Variants in HSPH1 observed in about 807,000 individuals in gnomAD.
HSPH1 encodes heat shock protein family H (Hsp110) member 1.
HSPH1 carries 40 observed loss-of-function variants against 100.0 expected under a neutral mutation model. That is an observed-to-expected ratio of 0.40 (90% CI 0.31 to 0.52). HSPH1 has a LOEUF of 0.52. Ranked by LOEUF, HSPH1 falls within the 20% of genes least tolerant of loss-of-function variation. The pLI, the probability that HSPH1 is intolerant of heterozygous loss-of-function variation, is 0.54. For missense variants in HSPH1, 876 were observed against 1,015.1 expected (o/e 0.86, Z 1.86); for synonymous variants, 403 against 344.0 (o/e 1.17, Z -1.90).
At chr13:31,157,129 C>T (rs1057366381) in intron 2 of HSPH1, among the ~76,000 whole-genome samples, 20 of 152,132 alleles carry the variant, frequency 1.3e-4, no homozygotes, top group African/African-American at 4.8e-4. Context: ...AGAATTCAAG[C>T]AAGTTTAGGT....
intron 17 of HSPH1, among the ~76,000 whole-genome samples, chr13:31,137,727 G>A (rs918462886): frequency 2.6e-5 from 4 of 152,056 alleles, no homozygotes; most frequent in African/African-American, 7.2e-5. Context: ...GGATGTGTTA[G>A]GACTATGTAC....
intron 1 of HSPH1, among the ~76,000 whole-genome samples, chr13:31,159,476 C>T (rs751812682): frequency 6.6e-6 from 1 of 152,202 alleles, no homozygotes; most frequent in Non-Finnish European, 1.5e-5. Context: ...AGTGACTAAT[C>T]AGTTACATCA....
chr13:31,153,223 CAT>C (rs1161965626), intron 4 of HSPH1, among the ~76,000 whole-genome samples: 2 of 152,130 alleles, frequency 1.3e-5, no homozygotes, highest in Non-Finnish European at 2.9e-5. Flanking sequence ...TTTCATAAGA[CAT>C]ATTCAAAGTT....
In HSPH1 at chr13:31,134,990, G is replaced by A. The variant is rs773443033; in HGVS notation, c.*2328C>T. On this transcript the variant is annotated 3_prime_UTR_variant, in exon 18 of 18. Transcript: ENST00000320027. ...AATTCAACTGTTATTAAAAATGGAC[G>A]TTGTTTAGAAATATTGTCACAAAAT... 6.6e-5 allele frequency: 10 copies of A among 152,190 alleles called. No individual in the cohort carries two copies. Among genetic ancestry groups the A allele is most frequent in the East Asian group, 1.9e-4 (1 of 5,188 alleles). 9.4% of individuals were successfully genotyped at this position (152,190 alleles called of 1,614,324 possible).
rs1320967356 is a variant in HSPH1, at chr13:31,135,128, AATG to A, written c.*2187_*2189del. The A allele has an allele frequency of 1.3e-5, 2 of 152,242 alleles. No homozygotes were observed. Among genetic ancestry groups the A allele is most frequent in the Non-Finnish European group, 2.9e-5 (2 of 68,036 alleles). The allele number at this position is 152,242 out of a possible 1,614,324, so 9.4% of individuals were successfully genotyped here. ...GGTATATATCACAACTGTTTGAGCC[AATG>A]ATATTAATACGTTATTATAAAGTAA... On this transcript the variant is annotated 3_prime_UTR_variant, in exon 18 of 18. Transcript: ENST00000320027.
chr13:31,154,965 G>T (rs190583300), intron 3 of HSPH1, among the ~76,000 whole-genome samples: 2 of 152,054 alleles, frequency 1.3e-5, no homozygotes, highest in African/African-American at 4.8e-5. Context: ...GAAAAAGGAA[G>T]AAAGAACTTC....
intron 2 of HSPH1, among the ~76,000 whole-genome samples, chr13:31,158,293 G>T (rs1317697486): frequency 1.3e-5 from 2 of 152,152 alleles, no homozygotes; most frequent in Non-Finnish European, 2.9e-5. Flanking sequence ...GCTCACACCT[G>T]TAATCCCAGC....
At chr13:31,138,758 T>C in intron 16 of HSPH1, 23 bp downstream of exon 16, 4 of 1,593,290 alleles carry the variant, frequency 2.5e-6, no homozygotes, top group Non-Finnish European at 3.4e-6. Flanking sequence ...ACTTCCTCCC[T>C]ATGTACAAAA....
At chr13:31,159,094 G>A (rs1265237999) in intron 1 of HSPH1, among the ~76,000 whole-genome samples, 1 of 147,776 alleles carries the variant, frequency 6.8e-6, no homozygotes, top group Non-Finnish European at 1.5e-5. Flanking sequence ...CTCTGCTCGT[G>A]GCTCAGGAAT....
At position 31,151,517 on chromosome 13, in the gene HSPH1, C is replaced by T. The variant is rs113923538; in HGVS notation, c.663+92G>A. The T allele has an allele frequency of 9.2e-4, 1,112 of 1,203,608 alleles. 11 individuals carry two copies. The African/African-American group carries it at 0.01, about 11-fold the overall frequency. The allele number at this position is 1,203,608 out of a possible 1,614,324, so 74.6% of individuals were successfully genotyped here. A position where few individuals can be genotyped will look rare whatever the true frequency, so the allele number is the denominator to read the frequency against. On this transcript the variant is annotated intron_variant, in intron 6 of 17. Transcript: ENST00000320027. The stretch of plus-strand genomic sequence containing the variant: ...TTACCTAAAATAAAACTCTTCATTA[C>T]CAAGAAGAAAAAGCCTAGTAAAGAG...
At position 31,145,573 on chromosome 13, in the gene HSPH1, G is replaced by C. The variant is rs1362562241; in HGVS notation, c.1574C>G (p.Pro525Arg). Residue 525 changes from proline (P) to arginine (R), a missense_variant, in exon 11 of 18, where the codon CCA (proline) becomes CGA (arginine). By Grantham distance (103) the Pro-to-Arg change is moderately radical. Transcript: ENST00000320027. ...TATCCACAAACTTACATCAGTGTCT[G>C]GGTTTTCTGGTGGTCTCTGATTCAG... ...ECLNQRPPEN[P>R]DTDKNVQQDN... The C allele has an allele frequency of 6.2e-7, 1 of 1,612,884 alleles. No individual in the cohort carries two copies. The highest frequency in any genetic ancestry group is 8.5e-7 in the Non-Finnish European group (1 of 1,179,328).
intron 12 of HSPH1, among the ~76,000 whole-genome samples, chr13:31,143,221 T>C (rs1393094002): frequency 8.6e-5 from 13 of 152,018 alleles, no homozygotes; most frequent in Non-Finnish European, 5.9e-5. Flanking sequence ...ATCTTAAAGG[T>C]TTGATTACAA....
chr13:31,148,375 C>A lies in HSPH1; in HGVS notation c.1243G>T (p.Gly415Cys). ...TGAATGTTATTTTCTGCTACATACC[C>A]TTCAGTATCTTCTGAATCATGGTTC... ...IWNHDSEDTE[G>C]VHEVFSRNHA... The change falls in exon 9 of 18, where the codon GGT (glycine) becomes TGT (cysteine). Residue 415 changes from glycine (G) to cysteine (C), a missense_variant and splice_region_variant. Physicochemically the swap from Gly to Cys is radical, Grantham distance 159. Coordinates refer to ENST00000320027, the MANE Select transcript of HSPH1 (RefSeq NM_006644.4). 1 of 1,509,128 alleles carries A rather than the reference C, an allele frequency of 6.6e-7. No homozygotes were observed. Among genetic ancestry groups the A allele is most frequent in the South Asian group, 1.2e-5 (1 of 85,604 alleles). 93.5% of individuals were successfully genotyped at this position (1,509,128 alleles called of 1,614,324 possible).
At chr13:31,162,002 CCACGTGCCACTT>C, upstream of HSPH1, 1 of 1,536,154 alleles carries the variant, frequency 6.5e-7, no homozygotes, top group African/African-American at 1.4e-5. Flanking sequence ...ACCGGCCCCT[CCACGTGCCACTT>C]CCGCTTCCTT....
Position 31,139,966 on chromosome 13 carries a change from G to C in HSPH1, c.1980+218C>G, listed in dbSNP as rs554025168. On this transcript the variant is annotated intron_variant, in intron 14 of 17. Coordinates refer to ENST00000320027, the MANE Select transcript of HSPH1 (RefSeq NM_006644.4). ...TAGACTCTACATAAATATTTGATAGGTTCTCTCTTCTAGATGGTAAAAATG... is the reference window on the plus strand; with the variant it reads ...TAGACTCTACATAAATATTTGATAGCTTCTCTCTTCTAGATGGTAAAAATG... 2.6e-5 allele frequency among the ~76,000 whole-genome samples: 4 copies of C among 152,096 alleles called. No homozygotes were observed. In the South Asian group the frequency reaches 6.2e-4, roughly 24 times the overall value.
Position 31,147,982 on chromosome 13 carries a change from A to ACTC in HSPH1, c.1352_1354dup (p.Gly451dup), listed in dbSNP as rs746519748. The ACTC allele has an allele frequency of 5.3e-5, 85 of 1,596,870 alleles. No homozygotes were observed. Among genetic ancestry groups the ACTC allele is most frequent in the Non-Finnish European group, 9.4e-6 (11 of 1,175,592 alleles). ...ACCTATTTTTGCTTCTGGATATGGA[A>ACTC]CTCCTTGGGGATCAGAATAGAAAGC... On this transcript the variant is annotated inframe_insertion, in exon 10 of 18. Coordinates refer to ENST00000320027, the MANE Select transcript of HSPH1 (RefSeq NM_006644.4).
intron 1 of HSPH1, among the ~76,000 whole-genome samples, chr13:31,159,567 AACAGAGCAGAG>A (rs2137663568): frequency 6.6e-6 from 1 of 152,348 alleles, no homozygotes; most frequent in East Asian, 1.9e-4. Context: ...ACCGCACAAT[AACAGAGCAGAG>A]ACTAGCTTAA....
At chr13:31,152,651 T>C in intron 5 of HSPH1, 2 of 377,786 alleles carry the variant, frequency 5.3e-6, no homozygotes, top group South Asian at 7.9e-5. Flanking sequence ...AAAAGAATTC[T>C]CTAATGAAAG....
In HSPH1 at chr13:31,138,817, C is replaced by T; in HGVS notation, c.2172G>A (p.Gln724=). ...AGTCAGCTGCTATCTTGGCATAATGCTGCAGCCTCTGTCCTAGTTCTTCAA... is the reference window on the plus strand; with the variant it reads ...AGTCAGCTGCTATCTTGGCATAATGTTGCAGCCTCTGTCCTAGTTCTTCAA... ...KMFEELGQRL[Q]HYAKIAADFR... The change falls in exon 16 of 18, where the codon CAG becomes CAA. Residue 724 remains glutamine (Q), a synonymous_variant. Transcript: ENST00000320027. 2 of 1,611,920 alleles carry T rather than the reference C, an allele frequency of 1.2e-6. No homozygotes were observed. Among genetic ancestry groups the T allele is most frequent in the Non-Finnish European group, 1.7e-6 (2 of 1,179,198 alleles).
Sources: allele counts gnomAD v4.1 joint callset (sites outside exome capture counted in the v4.1 genomes callset), GRCh38; gene constraint gnomAD v4.1.1; transcripts MANE v1.5; gene names NCBI Gene and HGNC (gene_info 2026-07-23, HGNC 2026-07-21).